The following STARD9 variants were observed in gnomAD, a reference collection of about 807,000 sequenced individuals.
STARD9 encodes StAR related lipid transfer domain containing 9.
STARD9 carries 346 observed loss-of-function variants against 399.8 expected under a neutral mutation model. The ratio of observed to expected loss-of-function variants is 0.87; its 90% CI spans 0.79 to 0.95. The LOEUF is 0.95. STARD9 is among the 40% of genes least tolerant of loss of function. The probability of loss-of-function intolerance (pLI) is 0.00; values close to 1 mark genes in which losing one functional copy is unlikely to be tolerated. For missense variants in STARD9, 5,832 were observed against 5,667.5 expected (o/e 1.03, Z -0.93); for synonymous variants, 2,203 against 2,143.5 (o/e 1.03, Z -0.77).
At chr15:42,630,884 C>G (rs758019900) in intron 3 of STARD9, among the ~76,000 whole-genome samples, 1 of 150,898 alleles carries the variant, frequency 6.6e-6, no homozygotes, top group Non-Finnish European at 1.5e-5. Context: ...TTTTATTGAT[C>G]TTTTGTATTG....
At chr15:42,655,150 C>T (rs1439798869) in intron 9 of STARD9, among the ~76,000 whole-genome samples, 1 of 152,148 alleles carries the variant, frequency 6.6e-6, no homozygotes, top group Non-Finnish European at 1.5e-5. Flanking sequence ...GGCGTGATGG[C>T]AGGCACCTGT....
At chr15:42,698,557 TTGAC>T (rs1341884133) in intron 26 of STARD9, among the ~76,000 whole-genome samples, 3 of 152,326 alleles carry the variant, frequency 2.0e-5, no homozygotes, top group East Asian at 3.9e-4. Flanking sequence ...GAATAGCCGT[TTGAC>T]TGATACGAAC....
chr15:42,655,480 G>T (rs1189782912), intron 9 of STARD9, among the ~76,000 whole-genome samples: 1 of 152,146 alleles, frequency 6.6e-6, no homozygotes. Flanking sequence ...AAAACGTAAA[G>T]TGGGGAAAGG....
chr15:42,691,101 C>T lies in STARD9; in HGVS notation c.9523C>T (p.Pro3175Ser). Residue 3175 changes from proline to serine, a missense_variant, in exon 23 of 33, where the codon CCA becomes TCA. By Grantham distance (74) the Pro-to-Ser change is moderately conservative. Transcript: ENST00000290607. ...TACCACTAGATGTTTTTTGGAAAAGCCACAATTTTCCACTGAGTTGAGGGA... is the reference window on the plus strand; with the variant it reads ...TACCACTAGATGTTTTTTGGAAAAGTCACAATTTTCCACTGAGTTGAGGGA... ...ENTTRCFLEK[P>S]QFSTELRDHN... 1 of 1,537,180 alleles carries T rather than the reference C, an allele frequency of 6.5e-7. No individual in the cohort carries two copies. Among genetic ancestry groups the T allele is most frequent in the Non-Finnish European group, 8.7e-7 (1 of 1,146,894 alleles).
chr15:42,581,566 G>A, intron 1 of STARD9: 1 of 995,244 alleles, frequency 1.0e-6, no homozygotes, highest in Admixed American at 2.1e-5. Flanking sequence ...CTCCTAGGGC[G>A]GGTGGAAAAG....
intron 3 of STARD9, among the ~76,000 whole-genome samples, chr15:42,607,176 C>A (rs2058744807): frequency 7.4e-6 from 1 of 134,652 alleles, no homozygotes; most frequent in African/African-American, 2.7e-5. Context: ...CCCAGCACAA[C>A]CCTGCATTTT....
In STARD9 at chr15:42,684,421, G is replaced by T; in HGVS notation, c.2843G>T (p.Gly948Val). ...CAGCCCCATCAGATGGTGAGCCAGG[G>T]CTTAGCATCTCTGAGGAAATCAGCT... ...VKQPHQMVSQ[G>V]LASLRKSANK... is the part of the protein sequence containing the mutation. Residue 948 changes from glycine to valine, a missense_variant, in exon 23 of 33, where the codon GGC (glycine) becomes GTC (valine). Physicochemically the swap from Gly to Val is moderately radical, Grantham distance 109. Transcript: ENST00000290607. The T allele has an allele frequency of 6.5e-7, 1 of 1,537,202 alleles. No homozygotes were observed. The highest frequency in any genetic ancestry group is 8.7e-7 in the Non-Finnish European group (1 of 1,146,914).
rs766736678 is a variant in STARD9 at position 42,663,899 on chromosome 15, C to T, written c.1158C>T (p.Asn386=). Reference sequence around the variant, plus strand: ...CATCCAGTGCCAAAAACATTATCAACAAGCCACGAGTAAATGAGGTGAGAC... The same window carrying T: ...CATCCAGTGCCAAAAACATTATCAATAAGCCACGAGTAAATGAGGTGAGAC... The part of the protein sequence containing the change: ...RYASSAKNII[N]KPRVNEDANL... The change falls in exon 13 of 33, where the codon AAC becomes AAT. Residue 386 remains asparagine (N), a synonymous_variant. Coordinates refer to ENST00000290607, the MANE Select transcript of STARD9 (RefSeq NM_020759.3). The T allele has an allele frequency of 3.9e-6, 6 of 1,535,940 alleles. No individual in the cohort carries two copies. The East Asian group carries it at 1.5e-4, about 38-fold the overall frequency.
At chr15:42,650,325 C>G (rs1239155950) in intron 7 of STARD9, among the ~76,000 whole-genome samples, 2 of 152,128 alleles carry the variant, frequency 1.3e-5, no homozygotes, top group East Asian at 1.9e-4. Context: ...GTTTTTGAAT[C>G]TCTCATACAG....
intron 7 of STARD9, among the ~76,000 whole-genome samples, chr15:42,640,901 C>T (rs1446816038): frequency 3.3e-5 from 5 of 151,182 alleles, no homozygotes; most frequent in African/African-American, 4.9e-5. Flanking sequence ...TTCAGATATC[C>T]GCATTATACA....
At chr15:42,699,611 T>G (rs921622615) in intron 26 of STARD9, among the ~76,000 whole-genome samples, 1 of 151,868 alleles carries the variant, frequency 6.6e-6, no homozygotes, top group Non-Finnish European at 1.5e-5. Context: ...GCCAGGATGG[T>G]CTCGATTTCC....
In STARD9 at chr15:42,693,236, G is replaced by A; in HGVS notation, c.11658G>A (p.Leu3886=). Residue 3886 remains leucine (L), a synonymous_variant, in exon 23 of 33, where the codon CTG becomes CTA. Coordinates refer to ENST00000290607, the MANE Select transcript of STARD9 (RefSeq NM_020759.3). ...YPGDSRVQKK[L]GPTSALFVDR... ...GGGACTCCAGGGTCCAGAAGAAGCTGGGCCCCACAAGTGCTTTGTTCGTGG... is the reference window on the plus strand; with the variant it reads ...GGGACTCCAGGGTCCAGAAGAAGCTAGGCCCCACAAGTGCTTTGTTCGTGG... 1 of 1,537,002 alleles carries A rather than the reference G, an allele frequency of 6.5e-7. No individual in the cohort carries two copies. Among genetic ancestry groups the A allele is most frequent in the Non-Finnish European group, 8.7e-7 (1 of 1,146,856 alleles).
intron 26 of STARD9, among the ~76,000 whole-genome samples, chr15:42,714,842 G>A (rs1488557088): frequency 4.0e-5 from 6 of 150,840 alleles, no homozygotes; most frequent in Admixed American, 6.6e-5. Flanking sequence ...ATGGGTCTCT[G>A]ATGCAATCTT....
At chr15:42,657,561 C>G (rs2059901909) in intron 9 of STARD9, among the ~76,000 whole-genome samples, 1 of 152,084 alleles carries the variant, frequency 6.6e-6, no homozygotes, top group African/African-American at 2.4e-5. Flanking sequence ...ATTTCAGTAC[C>G]TAATTTCCAG....
At chr15:42,617,224 A>G (rs1345046134) in intron 3 of STARD9, among the ~76,000 whole-genome samples, 1 of 152,224 alleles carries the variant, frequency 6.6e-6, no homozygotes, top group Non-Finnish European at 1.5e-5. Flanking sequence ...ATTTTATTAG[A>G]GTGTCTGATT....
chr15:42,581,334 A>G (rs947431297), intron 1 of STARD9: 2 of 1,324,470 alleles, frequency 1.5e-6, no homozygotes, highest in African/African-American at 2.9e-5. Context: ...ATCATAAATG[A>G]TTTGAGTTTC....
intron 16 of STARD9, 186 bp downstream of exon 16, chr15:42,669,523 A>G (rs2060166411): frequency 2.1e-6 from 1 of 471,266 alleles, no homozygotes. Flanking sequence ...CTTCGTATGT[A>G]TAGAGCAGAA....
In STARD9 at chr15:42,689,165, G is replaced by C. The variant is rs772135725; in HGVS notation, c.7587G>C (p.Pro2529=). 2.6e-6 allele frequency: 4 copies of C among 1,537,262 alleles called. No individual in the cohort carries two copies. The East Asian group carries it at 9.8e-5, about 38-fold the overall frequency. The part of the protein sequence containing the change: ...SGVSLAPVSL[P]RVPSPEPRLL... ...TTTCCTTAGCACCTGTTTCCCTGCC[G>C]AGGGTGCCCAGTCCAGAGCCTAGGC... Residue 2529 remains proline, a synonymous_variant, in exon 23 of 33, where the codon CCG becomes CCC. Coordinates refer to ENST00000290607, the MANE Select transcript of STARD9 (RefSeq NM_020759.3).
At chr15:42,602,959 C>G (rs1395127986) in intron 3 of STARD9, among the ~76,000 whole-genome samples, 1 of 152,292 alleles carries the variant, frequency 6.6e-6, no homozygotes, top group East Asian at 1.9e-4. Flanking sequence ...TTCCCTGCCT[C>G]TAGACCCTAT....
Sources: allele counts gnomAD v4.1 joint callset (sites outside exome capture counted in the v4.1 genomes callset), GRCh38; gene constraint gnomAD v4.1.1; transcripts MANE v1.5; gene names NCBI Gene and HGNC (gene_info 2026-07-23, HGNC 2026-07-21).